The following DIAPH3 variants were observed in gnomAD, a reference collection of about 807,000 sequenced individuals.
The protein encoded by DIAPH3 is diaphanous related formin 3, also known as protein diaphanous homolog 3.
DIAPH3 carries 117 observed loss-of-function variants against 144.3 expected under a neutral mutation model. The observed-to-expected ratio is 0.81, with a 90% CI of 0.70 to 0.95. DIAPH3 has a LOEUF of 0.95. Ranked by LOEUF, DIAPH3 falls within the 40% of genes least tolerant of loss-of-function variation. DIAPH3 has a pLI of 0.00. For synonymous variants in DIAPH3, 519 were observed against 488.9 expected, an observed-to-expected ratio of 1.06 and a Z score of -0.81; for missense variants, 1,421 against 1,412.7, an observed-to-expected ratio of 1.01 and a Z score of -0.09.
intron 1 of DIAPH3, among the ~76,000 whole-genome samples, chr13:60,151,355 G>A (rs1026855805): frequency 6.6e-6 from 1 of 152,144 alleles, no homozygotes; most frequent in Non-Finnish European, 1.5e-5. Context: ...ATTTGCCCAA[G>A]GATATACAGA....
At chr13:60,149,843 T>C (rs1235642890) in intron 1 of DIAPH3, among the ~76,000 whole-genome samples, 2 of 151,954 alleles carry the variant, frequency 1.3e-5, no homozygotes, top group African/African-American at 2.4e-5. Context: ...CCATCTTTTG[T>C]TTCTTTACTT....
intron 27 of DIAPH3, among the ~76,000 whole-genome samples, chr13:59,690,430 G>C (rs2033448554): frequency 6.6e-6 from 1 of 152,130 alleles, no homozygotes; most frequent in African/African-American, 2.4e-5. Context: ...TATTACATTT[G>C]CTGGTTGGTA....
At chr13:60,044,946 C>T (rs1167201079) in intron 4 of DIAPH3, among the ~76,000 whole-genome samples, 1 of 152,118 alleles carries the variant, frequency 6.6e-6, no homozygotes, top group African/African-American at 2.4e-5. Context: ...TGCCTGCTGC[C>T]ATGTAAGATG....
chr13:59,846,238 TAA>T (rs34037446), intron 22 of DIAPH3, among the ~76,000 whole-genome samples: 8 of 150,350 alleles, frequency 5.3e-5, no homozygotes, highest in African/African-American at 9.8e-5. Flanking sequence ...TCTTTGTAAT[TAA>T]AAAAAAAAAT....
At chr13:59,982,417 C>T (rs2051075032) in intron 13 of DIAPH3, among the ~76,000 whole-genome samples, 1 of 151,176 alleles carries the variant, frequency 6.6e-6, no homozygotes, top group African/African-American at 2.4e-5. Flanking sequence ...CCTCTTCCCA[C>T]TCCCCCCACC....
intron 27 of DIAPH3, among the ~76,000 whole-genome samples, chr13:59,701,169 C>T (rs188887106): frequency 4.6e-5 from 7 of 152,242 alleles, no homozygotes; most frequent in East Asian, 3.9e-4. Flanking sequence ...ATTTTAGTTG[C>T]GTGCATTCCA....
At chr13:59,710,583 A>G (rs539389478) in intron 27 of DIAPH3, among the ~76,000 whole-genome samples, 1 of 152,354 alleles carries the variant, frequency 6.6e-6, no homozygotes, top group Admixed American at 6.5e-5. Flanking sequence ...CTGGCAACAG[A>G]CTGGGTTGCC....
chr13:60,102,382 T>C (rs753005088), intron 3 of DIAPH3, among the ~76,000 whole-genome samples: 3 of 152,254 alleles, frequency 2.0e-5, no homozygotes, highest in Non-Finnish European at 4.4e-5. Context: ...GAAATATTTC[T>C]ATACTTGCTG....
chr13:59,670,769 A>C (rs145620814), intron 27 of DIAPH3, among the ~76,000 whole-genome samples: 4 of 151,772 alleles, frequency 2.6e-5, no homozygotes, highest in Non-Finnish European at 5.9e-5. Flanking sequence ...ATTTTTAGTA[A>C]AGACGGGGTT....
intron 22 of DIAPH3, among the ~76,000 whole-genome samples, chr13:59,852,872 A>G (rs2043058836): frequency 6.6e-6 from 1 of 152,212 alleles, no homozygotes; most frequent in Non-Finnish European, 1.5e-5. Flanking sequence ...GTTTACCTGC[A>G]CTGTTAATGA....
chr13:59,729,810 A>ATTTTTTTTTTTTTTTTTTTTTT (rs59987412), intron 27 of DIAPH3, among the ~76,000 whole-genome samples: 4 of 134,236 alleles, frequency 3.0e-5, no homozygotes, highest in African/African-American at 1.2e-4. Flanking sequence ...ATACATTAAT[A>ATTTTTTTTTTTTTTTTTTTTTT]TTTTTTTTTT....
chr13:60,054,354 A>T (rs2056476536), intron 4 of DIAPH3, among the ~76,000 whole-genome samples: 1 of 152,120 alleles, frequency 6.6e-6, no homozygotes, highest in Non-Finnish European at 1.5e-5. Context: ...AATTTTAAGC[A>T]AGTAAATTAC....
intron 25 of DIAPH3, among the ~76,000 whole-genome samples, chr13:59,781,142 TA>T: frequency 6.6e-6 from 1 of 152,264 alleles, no homozygotes; most frequent in East Asian, 1.9e-4. Context: ...AAGAAGATCC[TA>T]AAAGGTTCTA....
intron 3 of DIAPH3, among the ~76,000 whole-genome samples, chr13:60,108,194 A>G (rs541908915): frequency 6.6e-6 from 1 of 151,500 alleles, no homozygotes; most frequent in Non-Finnish European, 1.5e-5. Flanking sequence ...AGTGAAAAGT[A>G]AAAAAAAAGA....
chr13:59,817,673 T>C (rs1414382982), intron 24 of DIAPH3, among the ~76,000 whole-genome samples: 1 of 151,984 alleles, frequency 6.6e-6, no homozygotes, highest in Non-Finnish European at 1.5e-5. Flanking sequence ...TCTATTTGTC[T>C]AGCTTTAGTT....
intron 20 of DIAPH3, among the ~76,000 whole-genome samples, chr13:59,893,754 C>T (rs1179475641): frequency 6.6e-6 from 1 of 151,998 alleles, no homozygotes; most frequent in Non-Finnish European, 1.5e-5. Flanking sequence ...TATTTGCTAA[C>T]CAGCTCATAT....
At chr13:59,853,126 C>G (rs190040115) in intron 22 of DIAPH3, among the ~76,000 whole-genome samples, 2 of 152,166 alleles carry the variant, frequency 1.3e-5, no homozygotes. Context: ...ATACCTATAA[C>G]AAGCTGGGGT....
At chr13:60,038,276 T>C (rs1433811237) in intron 5 of DIAPH3, among the ~76,000 whole-genome samples, 1 of 152,118 alleles carries the variant, frequency 6.6e-6, no homozygotes, top group East Asian at 1.9e-4. Context: ...ATGTTTAATA[T>C]CTAATTTAAA....
At chr13:59,942,363 A>C (rs1323957548) in intron 17 of DIAPH3, among the ~76,000 whole-genome samples, 1 of 152,124 alleles carries the variant, frequency 6.6e-6, no homozygotes, top group African/African-American at 2.4e-5. Context: ...ATCTTGCAAC[A>C]ATTTTTTTAG....
Sources: gnomAD v4.1 joint callset for allele counts (sites outside exome capture counted in the v4.1 genomes callset) on GRCh38, gnomAD v4.1.1 for gene constraint, MANE v1.5 for transcripts, NCBI Gene and HGNC (gene_info 2026-07-23, HGNC 2026-07-21) for gene names.